Variants in SLC24A2 observed in about 807,000 individuals in gnomAD.
The protein encoded by SLC24A2 is solute carrier family 24 member 2.
Under a neutral mutation model 62.0 loss-of-function variants are expected in SLC24A2, and 36 were observed. That is an observed-to-expected ratio of 0.58 (90% CI 0.44 to 0.77). SLC24A2 has a LOEUF of 0.77. SLC24A2 is among the 30% of genes least tolerant of loss of function. The pLI is 0.00. For missense variants in SLC24A2, 846 were observed against 817.9 expected, an observed-to-expected ratio of 1.03 and a Z score of -0.42; for synonymous variants, 358 against 294.0, an observed-to-expected ratio of 1.22 and a Z score of -2.23.
At chr9:20,297,512 G>T in the SLC24A2 span, among the ~76,000 whole-genome samples, 4 of 152,170 alleles carry the variant, frequency 2.6e-5, no homozygotes, top group East Asian at 1.9e-4. Context: ...TGTAAATGAG[G>T]AAAGGGTCTC....
chr9:19,555,169 A>AC (rs1319758767), intron 7 of SLC24A2, among the ~76,000 whole-genome samples: 62 of 145,680 alleles, frequency 4.3e-4, no homozygotes, highest in South Asian at 8.5e-4. Context: ...GGCACTCTTA[A>AC]AAAAAAAATT....
At chr9:19,919,910 A>G in the SLC24A2 span, among the ~76,000 whole-genome samples, 1 of 152,180 alleles carries the variant, frequency 6.6e-6, no homozygotes, top group African/African-American at 2.4e-5. Context: ...TATGGGAACT[A>G]CAATTCAAGA....
At chr9:19,621,707 T>C (rs1249002240) in intron 3 of SLC24A2, among the ~76,000 whole-genome samples, 6 of 152,184 alleles carry the variant, frequency 3.9e-5, no homozygotes, top group Admixed American at 1.3e-4. Context: ...GTCATAACTA[T>C]TATGGTCCTT....
the SLC24A2 span, among the ~76,000 whole-genome samples, chr9:19,882,503 C>T: frequency 6.6e-6 from 1 of 151,896 alleles, no homozygotes; most frequent in African/African-American, 2.4e-5. Context: ...TCCCTCCACG[C>T]CCCCCACCCA....
At chr9:19,876,372 G>A in the SLC24A2 span, among the ~76,000 whole-genome samples, 1 of 138,746 alleles carries the variant, frequency 7.2e-6, no homozygotes, top group African/African-American at 3.2e-5. Context: ...AGGCGTGTGT[G>A]TGTGTGTGTG....
intron 9 of SLC24A2, among the ~76,000 whole-genome samples, chr9:19,522,732 G>A (rs1329248327): frequency 6.6e-6 from 1 of 152,134 alleles, no homozygotes; most frequent in Non-Finnish European, 1.5e-5. Flanking sequence ...CTGATACATG[G>A]CAGGCTCTTA....
At chr9:20,066,360 C>T in the SLC24A2 span, among the ~76,000 whole-genome samples, 1 of 151,796 alleles carries the variant, frequency 6.6e-6, no homozygotes, top group East Asian at 1.9e-4. Context: ...ATCTCTGCAA[C>T]AAATAGCTTT....
At chr9:20,267,550 G>C in the SLC24A2 span, among the ~76,000 whole-genome samples, 1 of 152,160 alleles carries the variant, frequency 6.6e-6, no homozygotes, top group African/African-American at 2.4e-5. Flanking sequence ...ACACAGCCTA[G>C]AATAGGCGCT....
At chr9:19,849,513 C>T in the SLC24A2 span, among the ~76,000 whole-genome samples, 1 of 152,042 alleles carries the variant, frequency 6.6e-6, no homozygotes, top group Admixed American at 6.6e-5. Flanking sequence ...ACTACTATTA[C>T]ATTTATGACT....
At chr9:20,005,149 A>G in the SLC24A2 span, among the ~76,000 whole-genome samples, 14 of 152,292 alleles carry the variant, frequency 9.2e-5, no homozygotes, top group Admixed American at 3.3e-4. Context: ...TGTAATCTAC[A>G]TGCACCTGAT....
chr9:20,174,008 A>G, the SLC24A2 span, among the ~76,000 whole-genome samples: 1 of 152,124 alleles, frequency 6.6e-6, no homozygotes, highest in Non-Finnish European at 1.5e-5. Context: ...AGGCACATAG[A>G]CCAATGTAAC....
intron 2 of SLC24A2, among the ~76,000 whole-genome samples, chr9:19,670,115 C>T (rs1587128182): frequency 6.6e-6 from 1 of 152,180 alleles, no homozygotes; most frequent in African/African-American, 2.4e-5. Context: ...AGTCCACAGC[C>T]TCCACACCCC....
At chr9:19,853,240 A>G in the SLC24A2 span, among the ~76,000 whole-genome samples, 1 of 152,198 alleles carries the variant, frequency 6.6e-6, no homozygotes, top group African/African-American at 2.4e-5. Flanking sequence ...GATGTAGGTC[A>G]TGTCATCTGT....
At chr9:20,004,998 T>G in the SLC24A2 span, among the ~76,000 whole-genome samples, 1 of 152,184 alleles carries the variant, frequency 6.6e-6, no homozygotes, top group Non-Finnish European at 1.5e-5. Context: ...AGTCTATTGG[T>G]TATCACAATG....
At chr9:19,723,939 A>AT (rs1206495664) in intron 2 of SLC24A2, among the ~76,000 whole-genome samples, 2 of 152,152 alleles carry the variant, frequency 1.3e-5, no homozygotes, top group Admixed American at 1.3e-4. Flanking sequence ...TTGCCATACT[A>AT]TTTTTTATTA....
chr9:19,521,874 CT>C (rs1243368144), intron 9 of SLC24A2, among the ~76,000 whole-genome samples: 262 of 130,674 alleles, frequency 2.0e-3, no homozygotes, highest in Admixed American at 3.9e-3. Flanking sequence ...CTTTTTTTTT[CT>C]TTTTTTTTTT....
upstream of SLC24A2, among the ~76,000 whole-genome samples, chr9:19,789,355 C>T (rs1823275665): frequency 6.6e-6 from 1 of 152,212 alleles, no homozygotes; most frequent in African/African-American, 2.4e-5. Flanking sequence ...CACCGCCTCT[C>T]CAATTATCTG....
chr9:20,036,526 G>A, the SLC24A2 span, among the ~76,000 whole-genome samples: 1 of 152,046 alleles, frequency 6.6e-6, no homozygotes, highest in Admixed American at 6.5e-5. Context: ...CTACCATTCT[G>A]TTCTCTGCTT....
chr9:19,792,114 A>G (rs1306790516), upstream of SLC24A2, among the ~76,000 whole-genome samples: 1 of 152,212 alleles, frequency 6.6e-6, no homozygotes, highest in African/African-American at 2.4e-5. Flanking sequence ...CTAAGCACCC[A>G]TATAATTTTC....
Sources: allele counts gnomAD v4.1 joint callset (sites outside exome capture counted in the v4.1 genomes callset), GRCh38; gene constraint gnomAD v4.1.1; transcripts MANE v1.5; gene names NCBI Gene and HGNC (gene_info 2026-07-23, HGNC 2026-07-21).